Variants in SEMA6D observed in about 807,000 individuals in gnomAD.
The protein encoded by SEMA6D is semaphorin-6D.
In SEMA6D, 35 loss-of-function variants were observed where a neutral mutation model predicts 106.6. That is an observed-to-expected ratio of 0.33 (90% CI 0.25 to 0.44). The LOEUF is 0.44. Among genes scored for constraint, SEMA6D ranks in the 20% least tolerant of loss-of-function variants. The probability of loss-of-function intolerance (pLI) is 1.00; values close to 1 mark genes in which losing one functional copy is unlikely to be tolerated. For synonymous variants in SEMA6D, 499 were observed against 487.7 expected (o/e 1.02, Z -0.31); for missense variants, 1,185 against 1,345.9 (o/e 0.88, Z 1.87).
chr15:47,293,346 A>G (rs919318880), intron 1 of SEMA6D, among the ~76,000 whole-genome samples: 3 of 152,118 alleles, frequency 2.0e-5, no homozygotes, highest in African/African-American at 2.4e-5. Context: ...TTATTCTTTA[A>G]TTCCTTAAGC....
intron 1 of SEMA6D, among the ~76,000 whole-genome samples, chr15:47,365,925 AAAG>A (rs1238533705): frequency 2.3e-4 from 27 of 116,458 alleles, no homozygotes; most frequent in Non-Finnish European, 7.2e-5. Flanking sequence ...GAGAGAGAGA[AAAG>A]AAAGAAAGAG....
chr15:47,500,291 T>C (rs993804490), intron 3 of SEMA6D, among the ~76,000 whole-genome samples: 4 of 145,304 alleles, frequency 2.8e-5, no homozygotes, highest in African/African-American at 1.0e-4. Context: ...CAAATGTAAA[T>C]GGAGCTAAAT....
intron 4 of SEMA6D, among the ~76,000 whole-genome samples, chr15:47,620,693 A>AATAT (rs72092074): frequency 4.0e-4 from 53 of 133,002 alleles, no homozygotes; most frequent in African/African-American, 1.3e-3. Context: ...TTGCCTTTAA[A>AATAT]ATATATATAT....
chr15:47,196,119 G>A (rs529940177), intron 1 of SEMA6D, among the ~76,000 whole-genome samples: 1 of 152,146 alleles, frequency 6.6e-6, no homozygotes, highest in Admixed American at 6.5e-5. Context: ...GGTCCACTAG[G>A]ACTGGAGGGA....
At chr15:47,624,184 T>G (rs1566942569) in intron 4 of SEMA6D, among the ~76,000 whole-genome samples, 1 of 152,224 alleles carries the variant, frequency 6.6e-6, no homozygotes. Flanking sequence ...TACTTGTACT[T>G]GTCCTTCATA....
At chr15:47,406,844 T>C (rs76187847) in intron 1 of SEMA6D, among the ~76,000 whole-genome samples, 3,785 of 151,956 alleles carry the variant, frequency 0.025, 92 homozygotes, top group Admixed American at 0.043. Context: ...ATTAGCTTGA[T>C]TGTGGTAATA....
At chr15:47,202,293 G>A (rs1894775405) in intron 1 of SEMA6D, among the ~76,000 whole-genome samples, 1 of 152,048 alleles carries the variant, frequency 6.6e-6, no homozygotes, top group Admixed American at 6.6e-5. Context: ...CCAATAAATA[G>A]ATACAACTGA....
intron 1 of SEMA6D, chr15:47,185,775 A>G (rs963379599): frequency 1.3e-5 from 2 of 152,102 alleles, no homozygotes; most frequent in South Asian, 4.1e-4. Flanking sequence ...GTTGGATGGT[A>G]GATACTCTTA....
chr15:47,724,183 G>T (rs2079594288), intron 1 of SEMA6D, among the ~76,000 whole-genome samples: 1 of 152,246 alleles, frequency 6.6e-6, no homozygotes, highest in African/African-American at 2.4e-5. Context: ...ATTTTTAAAA[G>T]CTACAGAGGG....
intron 3 of SEMA6D, among the ~76,000 whole-genome samples, chr15:47,590,817 G>C (rs2076424973): frequency 6.6e-6 from 1 of 152,156 alleles, no homozygotes; most frequent in African/African-American, 2.4e-5. Flanking sequence ...GAGGGAACAT[G>C]GCCCTGCCAA....
At chr15:47,423,787 G>T (rs534689246) in intron 2 of SEMA6D, among the ~76,000 whole-genome samples, 1 of 151,990 alleles carries the variant, frequency 6.6e-6, no homozygotes, top group South Asian at 2.1e-4. Context: ...GTCTTGTTTT[G>T]CAGGGACAGG....
At chr15:47,202,075 T>C (rs12898994) in intron 1 of SEMA6D, among the ~76,000 whole-genome samples, 64,228 of 151,592 alleles carry the variant, frequency 0.42, 14,369 homozygotes, top group African/African-American at 0.54. Flanking sequence ...GCCACAAGCC[T>C]GTGGTCTGTA....
At chr15:47,503,689 T>A (rs970121757) in intron 3 of SEMA6D, among the ~76,000 whole-genome samples, 17 of 148,698 alleles carry the variant, frequency 1.1e-4, no homozygotes, top group African/African-American at 4.2e-4. Flanking sequence ...TCTCTCTCTG[T>A]CACACACACA....
chr15:47,327,342 TTTTCA>T (rs1404037393), intron 1 of SEMA6D, among the ~76,000 whole-genome samples: 2 of 152,222 alleles, frequency 1.3e-5, no homozygotes, highest in African/African-American at 2.4e-5. Context: ...ATAGTAGTTC[TTTTCA>T]TTTCATTAAT....
intron 1 of SEMA6D, among the ~76,000 whole-genome samples, chr15:47,739,416 G>A (rs956195279): frequency 2.0e-5 from 3 of 152,110 alleles, no homozygotes; most frequent in African/African-American, 4.8e-5. Flanking sequence ...TTGCACTGTG[G>A]GGAATCTGCA....
chr15:47,582,256 G>T (rs2076267451), intron 3 of SEMA6D, among the ~76,000 whole-genome samples: 2 of 152,146 alleles, frequency 1.3e-5, no homozygotes, highest in Non-Finnish European at 2.9e-5. Context: ...AGTGCTCCTT[G>T]CTTTCTCACT....
chr15:47,708,051 TCTGTC>T (rs2078946596), intron 4 of SEMA6D, among the ~76,000 whole-genome samples: 1 of 152,202 alleles, frequency 6.6e-6, no homozygotes, highest in Non-Finnish European at 1.5e-5. Context: ...AAAGTCATCT[TCTGTC>T]CTGACCCCTA....
chr15:47,185,508 C>CT (rs997995369), intron 1 of SEMA6D, among the ~76,000 whole-genome samples: 9 of 152,220 alleles, frequency 5.9e-5, no homozygotes, highest in South Asian at 2.1e-4. Flanking sequence ...CCCCTCCCTC[C>CT]TTTTTTTAGA....
At chr15:47,559,038 ATGAT>A (rs2045999180) in intron 3 of SEMA6D, among the ~76,000 whole-genome samples, 1 of 152,080 alleles carries the variant, frequency 6.6e-6, no homozygotes, top group African/African-American at 2.4e-5. Context: ...GAGTAAGCTT[ATGAT>A]TTTGAATGGA....
Sources: allele counts gnomAD v4.1 joint callset (sites outside exome capture counted in the v4.1 genomes callset), GRCh38; gene constraint gnomAD v4.1.1; transcripts MANE v1.5; gene names NCBI Gene and HGNC (gene_info 2026-07-23, HGNC 2026-07-21).